Variants in HDAC8 observed in about 807,000 individuals in gnomAD.
The protein encoded by HDAC8 is histone deacetylase 8.
HDAC8 carries 1 observed loss-of-function variant against 32.2 expected under a neutral mutation model. The ratio of observed to expected loss-of-function variants is 0.03; its 90% CI spans 0.01 to 0.15. HDAC8 has a LOEUF of 0.15. Among genes scored for constraint, HDAC8 ranks in the 10% least tolerant of loss-of-function variants. The pLI is 1.00. For synonymous variants in HDAC8, 108 were observed against 113.9 expected, an observed-to-expected ratio of 0.95 and a Z score of 0.33; for missense variants, 117 against 300.0, an observed-to-expected ratio of 0.39 and a Z score of 4.51.
At position 72,488,416 on chromosome X, in the gene HDAC8, G is replaced by A. The variant is rs142450229; in HGVS notation, c.737+517C>T. Among the ~76,000 whole-genome samples the A allele has an allele frequency of 5.6e-3, 620 of 110,979 alleles. 4 individuals carry two copies. The highest frequency in any genetic ancestry group is 0.02 in the South Asian group (52 of 2,607). On this transcript the variant is annotated intron_variant, in intron 7 of 10. Transcript: ENST00000373573. Reference sequence around the variant, plus strand: ...CATTGGCACCAATCTGTCTGTCTACGATTGTCTGTAACTTAATCCTTAGCC... The same window carrying A: ...CATTGGCACCAATCTGTCTGTCTACAATTGTCTGTAACTTAATCCTTAGCC...
Position 72,495,272 on chromosome X carries a change from TA to T in HDAC8, c.438-5del. 8.6e-7 allele frequency: 1 copy of T among 1,165,455 alleles called. No individual in the cohort carries two copies. The highest frequency in any genetic ancestry group is 1.2e-6 in the Non-Finnish European group (1 of 856,508). ...ACAAAAACCAGATGCTTCATCTCTG[TA>T]AGAAAACAAGTTGCTACAGCCAACA... On this transcript the variant is annotated splice_region_variant and splice_polypyrimidine_tract_variant and intron_variant, in intron 4 of 10. Transcript: ENST00000373573.
At chrX:72,563,989 G>A (rs1176203120) in intron 4 of HDAC8, among the ~76,000 whole-genome samples, 1 of 110,829 alleles carries the variant, frequency 9.0e-6, no homozygotes, top group Non-Finnish European at 1.9e-5. Context: ...GTGAAACCCC[G>A]TCTCTACTAA....
chrX:72,462,162 G>A, intron 8 of HDAC8, 64 bp from the exon 9 acceptor site: 1 of 857,994 alleles, frequency 1.2e-6, no homozygotes, highest in Non-Finnish European at 1.7e-6. Context: ...AGAGGGAAGG[G>A]GGGTAAGGAA....
At chrX:72,546,751 C>T (rs1556056404) in intron 4 of HDAC8, among the ~76,000 whole-genome samples, 4 of 111,031 alleles carry the variant, frequency 3.6e-5, no homozygotes, top group Non-Finnish European at 5.7e-5. Context: ...GCAGAGGCCA[C>T]TGGACAGGCA....
intron 10 of HDAC8, among the ~76,000 whole-genome samples, chrX:72,340,971 C>A: frequency 9.0e-6 from 1 of 111,662 alleles, no homozygotes; most frequent in Non-Finnish European, 1.9e-5. Flanking sequence ...ACTGTGGATC[C>A]TGAAGTGAAG....
intron 5 of HDAC8, among the ~76,000 whole-genome samples, chrX:72,492,252 T>A (rs1216439111): frequency 8.9e-6 from 1 of 112,373 alleles, no homozygotes; most frequent in African/African-American, 3.2e-5. Context: ...CAAACTATTG[T>A]TATTCTCTTT....
At chrX:72,356,591 TG>T (rs2044373306) in intron 9 of HDAC8, among the ~76,000 whole-genome samples, 1 of 109,094 alleles carries the variant, frequency 9.2e-6, no homozygotes, top group African/African-American at 3.4e-5. Context: ...TTTTTTTTTT[TG>T]GGGATGGAGT....
intron 9 of HDAC8, among the ~76,000 whole-genome samples, chrX:72,446,366 T>C (rs1395434174): frequency 9.0e-6 from 1 of 111,612 alleles, no homozygotes; most frequent in Non-Finnish European, 1.9e-5. Context: ...TAAAAAATGA[T>C]GAGTTCATGT....
chrX:72,502,491 C>A (rs1031931136), intron 4 of HDAC8, among the ~76,000 whole-genome samples: 4 of 111,002 alleles, frequency 3.6e-5, no homozygotes, highest in African/African-American at 1.3e-4. Context: ...AGGAGAGGAG[C>A]AGAAAAGATA....
intron 4 of HDAC8, among the ~76,000 whole-genome samples, chrX:72,525,629 C>T (rs185029566): frequency 6.4e-5 from 7 of 108,689 alleles, no homozygotes; most frequent in African/African-American, 2.3e-4. Flanking sequence ...CTGGCTAAAA[C>T]GGTGAAACCC....
At chrX:72,470,023 C>T (rs1555996779) in intron 7 of HDAC8, among the ~76,000 whole-genome samples, 2 of 109,802 alleles carry the variant, frequency 1.8e-5, no homozygotes, top group African/African-American at 6.6e-5. Flanking sequence ...TGGTGGGCAC[C>T]TGTAATCCCA....
chrX:72,477,303 T>A (rs1479242119), intron 7 of HDAC8, among the ~76,000 whole-genome samples: 1 of 112,142 alleles, frequency 8.9e-6, no homozygotes, highest in Non-Finnish European at 1.9e-5. Flanking sequence ...ACAATTTACC[T>A]AGAGCACAGT....
At chrX:72,537,376 C>G (rs1402844092) in intron 4 of HDAC8, among the ~76,000 whole-genome samples, 2 of 112,042 alleles carry the variant, frequency 1.8e-5, no homozygotes, top group Admixed American at 9.5e-5. Context: ...TACTATTACA[C>G]CCAATAATTA....
intron 7 of HDAC8, chrX:72,467,858 A>G: frequency 1.2e-6 from 1 of 809,734 alleles, no homozygotes; most frequent in Non-Finnish European, 1.7e-6. Context: ...ATACAGAGTG[A>G]CACACAAGAA....
At chrX:72,381,900 C>T in intron 9 of HDAC8, among the ~76,000 whole-genome samples, 1 of 112,317 alleles carries the variant, frequency 8.9e-6, no homozygotes, top group Non-Finnish European at 1.9e-5. Context: ...TAGGCTGTCC[C>T]TTGCCAGAAG....
intron 9 of HDAC8, among the ~76,000 whole-genome samples, chrX:72,383,780 G>C (rs1480455226): frequency 9.6e-6 from 1 of 104,363 alleles, no homozygotes; most frequent in African/African-American, 3.5e-5. Context: ...TGAGGCAGGA[G>C]AATGGTGTGA....
chrX:72,488,107 TC>T (rs781869407), intron 7 of HDAC8, among the ~76,000 whole-genome samples: 3 of 111,538 alleles, frequency 2.7e-5, no homozygotes, highest in African/African-American at 6.5e-5. Context: ...TTTTAATAGT[TC>T]TGCTTTGTTT....
intron 8 of HDAC8, among the ~76,000 whole-genome samples, chrX:72,463,087 G>A (rs1325494684): frequency 9.0e-6 from 1 of 111,501 alleles, no homozygotes; most frequent in Non-Finnish European, 1.9e-5. Flanking sequence ...GGGGTCCACT[G>A]AAGCTTGGGG....
chrX:72,408,448 C>T (rs781811135), intron 9 of HDAC8, among the ~76,000 whole-genome samples: 2 of 111,005 alleles, frequency 1.8e-5, no homozygotes, highest in Admixed American at 1.9e-4. Context: ...GTTCTGTCGC[C>T]CAGGCTGGAG....
Sources: gnomAD v4.1 joint callset for allele counts (sites outside exome capture counted in the v4.1 genomes callset) on GRCh38, gnomAD v4.1.1 for gene constraint, MANE v1.5 for transcripts, NCBI Gene and HGNC (gene_info 2026-07-23, HGNC 2026-07-21) for gene names.